The following CACNA1A variants were observed in gnomAD, a reference collection of about 807,000 sequenced individuals.
CACNA1A encodes the protein calcium voltage-gated channel subunit alpha1 A, also known as voltage-dependent P/Q-type calcium channel subunit alpha-1A.
In CACNA1A, 57 loss-of-function variants were observed where a neutral mutation model predicts 262.4. The observed-to-expected ratio is 0.22, with a 90% confidence interval of 0.18 to 0.27. The LOEUF is 0.27. Among genes scored for constraint, CACNA1A ranks in the 10% least tolerant of loss-of-function variants. The pLI is 1.00. For missense variants in CACNA1A, 2,526 were observed against 3,562.8 expected (o/e 0.71, Z 7.41); for synonymous variants, 1,431 against 1,419.3 (o/e 1.01, Z -0.18).
chr19:13,361,124 T>C (rs934225314), intron 5 of CACNA1A, among the ~76,000 whole-genome samples: 11 of 152,150 alleles, frequency 7.2e-5, no homozygotes, highest in African/African-American at 2.4e-4. Flanking sequence ...TGGGATGTAC[T>C]GGGCTCAGGG....
At chr19:13,473,031 T>C (rs1209064861) in intron 1 of CACNA1A, among the ~76,000 whole-genome samples, 2 of 151,854 alleles carry the variant, frequency 1.3e-5, no homozygotes, top group African/African-American at 2.4e-5. Flanking sequence ...GGAGGGAGGA[T>C]CACTTGAGCC....
chr19:13,385,256 G>C (rs1207586379), intron 3 of CACNA1A, among the ~76,000 whole-genome samples: 1 of 147,392 alleles, frequency 6.8e-6, no homozygotes, highest in Non-Finnish European at 1.5e-5. Context: ...TTGAGACAGG[G>C]TCTCATTCTG....
intron 1 of CACNA1A, among the ~76,000 whole-genome samples, chr19:13,492,062 AG>A (rs1163346133): frequency 2.6e-5 from 4 of 152,160 alleles, no homozygotes; most frequent in Non-Finnish European, 4.4e-5. Context: ...AGGCAGGCCC[AG>A]GGGGCTAAGT....
At chr19:13,447,896 G>C (rs2060844780) in intron 3 of CACNA1A, among the ~76,000 whole-genome samples, 1 of 152,096 alleles carries the variant, frequency 6.6e-6, no homozygotes, top group African/African-American at 2.4e-5. Context: ...ACACAGATTG[G>C]GGGTGAGTCT....
intron 22 of CACNA1A, among the ~76,000 whole-genome samples, chr19:13,279,019 G>C (rs2057220749): frequency 6.6e-6 from 1 of 152,082 alleles, no homozygotes; most frequent in African/African-American, 2.4e-5. Flanking sequence ...TGTGGGCTCT[G>C]GGAGTGCAGG....
Position 13,416,770 on chromosome 19 carries a change from G to A in CACNA1A, c.539+36106C>T, listed in dbSNP as rs140603579. ...GCGGAGGTGGCAGTGAGCTGAGATC[G>A]CGCCACTGCACTCCAGCCCAGGCAA... On this transcript the variant is annotated intron_variant, in intron 3 of 46. Transcript: ENST00000360228. Among the ~76,000 whole-genome samples the A allele has an allele frequency of 2.7e-3, 414 of 152,148 alleles. 1 individual carries two copies. The highest frequency in any genetic ancestry group is 9.4e-3 in the African/African-American group (389 of 41,506).
chr19:13,311,634 A>G (rs552220287), intron 12 of CACNA1A, among the ~76,000 whole-genome samples: 1,704 of 152,222 alleles, frequency 0.011, 23 homozygotes, highest in Non-Finnish European at 0.016. Context: ...TCAGGAGATC[A>G]AGACCATCCT....
At chr19:13,213,879 T>G in intron 40 of CACNA1A, 1 of 193,458 alleles carries the variant, frequency 5.2e-6, no homozygotes, top group Non-Finnish European at 1.1e-5. Context: ...GAGATATGGG[T>G]CTTTCTATGT....
At position 13,207,364 on chromosome 19, in the gene CACNA1A, G is replaced by A; in HGVS notation, c.7470C>T (p.Ser2490=). The part of the protein sequence containing the change: ...HGLARPRGPG[S]RKGLHEPYSE... ...TGTAGGGTTCGTGCAGGCCCTTCCTGGAGCCCGGCCCGCGGGGCCTGGCCA... is the reference window on the plus strand; with the variant it reads ...TGTAGGGTTCGTGCAGGCCCTTCCTAGAGCCCGGCCCGCGGGGCCTGGCCA... The change falls in exon 47 of 47, where the codon TCC becomes TCT. Residue 2490 remains serine (S), a synonymous_variant. Coordinates refer to ENST00000360228, the MANE Select transcript of CACNA1A (RefSeq NM_001127222.2). This position sits in a 1 kb window ranked among gnomAD's most constrained non-coding sequence, Gnocchi z 5.7. 1.3e-6 allele frequency: 2 copies of A among 1,554,344 alleles called. No individual in the cohort carries two copies.
intron 2 of CACNA1A, among the ~76,000 whole-genome samples, chr19:13,454,458 C>T (rs2060970642): frequency 6.6e-6 from 1 of 151,986 alleles, no homozygotes; most frequent in Admixed American, 6.6e-5. Flanking sequence ...GCAACCTCTG[C>T]CTCCCGGGTT....
chr19:13,367,830 A>G (rs1335910086), intron 4 of CACNA1A, among the ~76,000 whole-genome samples: 1 of 152,170 alleles, frequency 6.6e-6, no homozygotes, highest in Non-Finnish European at 1.5e-5. Context: ...ATTGTCATCA[A>G]TCAGGGACCC....
At chr19:13,415,560 G>A (rs2060205052) in intron 3 of CACNA1A, among the ~76,000 whole-genome samples, 1 of 151,480 alleles carries the variant, frequency 6.6e-6, no homozygotes, top group South Asian at 2.1e-4. Context: ...GGCCAACATG[G>A]CAAAACCCGG....
At chr19:13,436,199 G>A (rs1032785981) in intron 3 of CACNA1A, among the ~76,000 whole-genome samples, 2 of 152,216 alleles carry the variant, frequency 1.3e-5, no homozygotes, top group Non-Finnish European at 2.9e-5. Flanking sequence ...TCGCTTTTTC[G>A]AAGCACTCAG....
intron 3 of CACNA1A, among the ~76,000 whole-genome samples, chr19:13,411,163 G>A (rs1322237791): frequency 5.3e-5 from 8 of 152,102 alleles, no homozygotes; most frequent in Admixed American, 1.3e-4. Flanking sequence ...CCTAATAGAT[G>A]GCCAACACAA....
chr19:13,410,166 C>A (rs2144733091), intron 3 of CACNA1A, among the ~76,000 whole-genome samples: 1 of 152,192 alleles, frequency 6.6e-6, no homozygotes, highest in East Asian at 1.9e-4. Context: ...CTTCCTCCAG[C>A]ATCCTCATGT....
At chr19:13,453,734 G>A (rs1257190902) in intron 2 of CACNA1A, among the ~76,000 whole-genome samples, 1 of 152,130 alleles carries the variant, frequency 6.6e-6, no homozygotes, top group African/African-American at 2.4e-5. Flanking sequence ...CTCCATCAGA[G>A]CCCCAATGTG....
chr19:13,440,765 G>A (rs897032990), intron 3 of CACNA1A, among the ~76,000 whole-genome samples: 4 of 152,192 alleles, frequency 2.6e-5, no homozygotes, highest in African/African-American at 9.7e-5. Flanking sequence ...TTAACTCATT[G>A]AACCTTGAAA....
intron 27 of CACNA1A, 54 bp downstream of exon 27, chr19:13,259,510 A>G: frequency 6.5e-7 from 1 of 1,540,802 alleles, no homozygotes; most frequent in Non-Finnish European, 8.8e-7. Context: ...CAGGCCCTTT[A>G]TCCTCCTGCT....
At chr19:13,235,188 C>T in intron 33 of CACNA1A, 21 bp downstream of exon 33, 1 of 1,607,412 alleles carries the variant, frequency 6.2e-7, no homozygotes. Context: ...GCTCTGGGAA[C>T]CTTAGGGACA....
Sources: gnomAD v4.1 joint callset for allele counts (sites outside exome capture counted in the v4.1 genomes callset) on GRCh38, gnomAD v4.1.1 for gene constraint, Gnocchi (gnomAD v3.1) non-coding constraint, MANE v1.5 for transcripts, NCBI Gene and HGNC (gene_info 2026-07-23, HGNC 2026-07-21) for gene names.